ZNF317: variants seen among roughly 807,000 people sequenced by gnomAD.
ZNF317 encodes the protein zinc finger protein 317.
ZNF317 carries 17 observed loss-of-function variants against 23.4 expected under a neutral mutation model. That is an observed-to-expected ratio of 0.73 (90% CI 0.50 to 1.09). ZNF317 has a LOEUF of 1.09. Ranked by LOEUF, ZNF317 falls within the 50% of genes least tolerant of loss-of-function variation. The probability of loss-of-function intolerance (pLI) is 0.00; values close to 1 mark genes in which losing one functional copy is unlikely to be tolerated. For missense variants in ZNF317, 679 were observed against 796.7 expected (o/e 0.85, Z 1.78); for synonymous variants, 317 against 314.9 (o/e 1.01, Z -0.07).
chr19:9,142,515 T>A (rs2050641809), intron 1 of ZNF317, among the ~76,000 whole-genome samples: 2 of 151,512 alleles, frequency 1.3e-5, no homozygotes, highest in South Asian at 2.1e-4. Context: ...GAGTTTTTCT[T>A]GTGAATTGCT....
chr19:9,152,888 A>T (rs1177561802), intron 1 of ZNF317, among the ~76,000 whole-genome samples: 1 of 152,006 alleles, frequency 6.6e-6, no homozygotes, highest in East Asian at 1.9e-4. Flanking sequence ...GTTGGTGCAT[A>T]ATTGTTCATG....
chr19:9,144,155 A>G (rs1262640846), intron 1 of ZNF317, among the ~76,000 whole-genome samples: 3 of 151,914 alleles, frequency 2.0e-5, no homozygotes, highest in African/African-American at 7.3e-5. Context: ...GGCGCATGGC[A>G]CCACACCCAG....
In ZNF317 at chr19:9,160,820, G is replaced by A. The variant is rs1308068102; in HGVS notation, c.1175G>A (p.Cys392Tyr). The A allele has an allele frequency of 6.2e-7, 1 of 1,614,204 alleles. No individual in the cohort carries two copies. The highest frequency in any genetic ancestry group is 2.2e-5 in the East Asian group (1 of 44,878). ...KNHMVEKTYE[C>Y]KECGKSFGDL... Reference sequence around the variant, plus strand: ...CACATGGTGGAGAAGACCTACGAATGTAAAGAATGCGGGAAATCCTTTGGC... The same window carrying A: ...CACATGGTGGAGAAGACCTACGAATATAAAGAATGCGGGAAATCCTTTGGC... Residue 392 changes from cysteine (C) to tyrosine (Y), a missense_variant, in exon 7 of 7, where the codon TGT becomes TAT. Cys to Tyr is a radical substitution (Grantham distance 194, BLOSUM62 -2). Coordinates refer to ENST00000247956, the MANE Select transcript of ZNF317 (RefSeq NM_020933.5). The surrounding 1 kb of genome is among the most constrained non-coding windows in gnomAD (Gnocchi z 6.8).
intron 1 of ZNF317, among the ~76,000 whole-genome samples, chr19:9,143,739 T>TC (rs34153792): frequency 0.24 from 33,957 of 144,114 alleles, 4,438 homozygotes; most frequent in African/African-American, 0.37. Context: ...TAGAATTCTG[T>TC]CCCCCCTTTT....
At chr19:9,158,717 A>G in intron 5 of ZNF317, 109 bp from the exon 6 acceptor site, 3 of 734,850 alleles carry the variant, frequency 4.1e-6, no homozygotes, top group Non-Finnish European at 7.1e-6. Context: ...CTTTTGCACC[A>G]CTTTTCCTTA....
chr19:9,142,708 TATA>T (rs1451147615), intron 1 of ZNF317, among the ~76,000 whole-genome samples: 1 of 152,156 alleles, frequency 6.6e-6, no homozygotes, highest in Non-Finnish European at 1.5e-5. Flanking sequence ...GAGTGAATAA[TATA>T]ATTTTTTTTC....
Position 9,155,996 on chromosome 19 carries a change from A to G in ZNF317, c.-21A>G. ...TTGTCCTGGTGCCCTGCTCAGGCAA[A>G]CTGACTGCCATTCTCTGAGGATGGC... On this transcript the variant is annotated 5_prime_UTR_variant, in exon 2 of 7. Transcript: ENST00000247956. 1 of 1,614,156 alleles carries G rather than the reference A, an allele frequency of 6.2e-7. No homozygotes were observed. Among genetic ancestry groups the G allele is most frequent in the Non-Finnish European group, 8.5e-7 (1 of 1,180,022 alleles).
chr19:9,160,318 C>T lies in ZNF317; in HGVS notation c.673C>T (p.His225Tyr), dbSNP rs2050834796. ...CGACGGGAGAAAAATGCATGAATGT[C>T]ATCAGTGCCAAAAAGCCTTCACCAC... ...MYDGRKMHEC[H>Y]QCQKAFTTSA... Residue 225 changes from histidine to tyrosine, a missense_variant, in exon 7 of 7, where the codon CAT becomes TAT. His to Tyr is a moderately conservative substitution (Grantham distance 83, BLOSUM62 2). Coordinates refer to ENST00000247956, the MANE Select transcript of ZNF317 (RefSeq NM_020933.5). The surrounding 1 kb of genome is among the most constrained non-coding windows in gnomAD (Gnocchi z 6.8). 1 of 1,614,066 alleles carries T rather than the reference C, an allele frequency of 6.2e-7. No individual in the cohort carries two copies. The highest frequency in any genetic ancestry group is 1.3e-5 in the African/African-American group (1 of 74,916).
Position 9,160,204 on chromosome 19 carries a change from A to T in ZNF317, c.559A>T (p.Arg187Trp). The change falls in exon 7 of 7, where the codon AGG becomes TGG. Residue 187 changes from arginine to tryptophan, a missense_variant. Arg to Trp is a moderately radical substitution (Grantham distance 101, BLOSUM62 -3). Coordinates refer to ENST00000247956, the MANE Select transcript of ZNF317 (RefSeq NM_020933.5). This position sits in a 1 kb window ranked among gnomAD's most constrained non-coding sequence, Gnocchi z 6.8. ...CCCTCATCTCACTCAGCCAATGGGA[A>T]GGCACGCTGGCAAGAGGCCCTATCA... ...MDPHLTQPMG[R>W]HAGKRPYHRR... The T allele has an allele frequency of 6.2e-7, 1 of 1,614,170 alleles. No homozygotes were observed. Among genetic ancestry groups the T allele is most frequent in the Non-Finnish European group, 8.5e-7 (1 of 1,180,018 alleles).
In ZNF317 at chr19:9,158,201, C is replaced by T. The variant is rs542662443; in HGVS notation, c.385+126C>T. ...GAGATGCTCCTTCCCTCTTTTTGCC[C>T]ATCCATTCTCTGACAAATCTTTTGG... On this transcript the variant is annotated intron_variant, in intron 5 of 6. Coordinates refer to ENST00000247956, the MANE Select transcript of ZNF317 (RefSeq NM_020933.5). The T allele has an allele frequency of 2.9e-4, 363 of 1,248,050 alleles. 1 individual carries two copies. The highest frequency in any genetic ancestry group is 2.5e-3 in the South Asian group (148 of 58,052). 77.3% of individuals were successfully genotyped at this position (1,248,050 alleles called of 1,614,324 possible).
Position 9,151,104 on chromosome 19 carries a change from G to A in ZNF317, c.-92-4821G>A, listed in dbSNP as rs150439575. ...GGACCTGCAGAAGCTTGTTAGTTGAGCATGAATGAATGAATGGTAGGTGAG... is the reference window on the plus strand; with the variant it reads ...GGACCTGCAGAAGCTTGTTAGTTGAACATGAATGAATGAATGGTAGGTGAG... On this transcript the variant is annotated intron_variant, in intron 1 of 6. Transcript: ENST00000247956. 1.4e-4 allele frequency among the ~76,000 whole-genome samples: 22 copies of A among 152,298 alleles called. No individual in the cohort carries two copies. In the East Asian group the frequency reaches 4.2e-3, roughly 29 times the overall value.
chr19:9,156,120 A>G (rs1355011475), intron 2 of ZNF317, 79 bp downstream of exon 2: 2 of 1,556,628 alleles, frequency 1.3e-6, no homozygotes, highest in Non-Finnish European at 1.8e-6. Context: ...AAAGATACGT[A>G]CACCATAGAG....
At chr19:9,151,032 C>T (rs927968063) in intron 1 of ZNF317, among the ~76,000 whole-genome samples, 5 of 152,062 alleles carry the variant, frequency 3.3e-5, no homozygotes, top group Admixed American at 3.3e-4. Context: ...CTACACATGT[C>T]GTTATTTGTA....
At chr19:9,146,901 A>G (rs1473798495) in intron 1 of ZNF317, among the ~76,000 whole-genome samples, 1 of 152,232 alleles carries the variant, frequency 6.6e-6, no homozygotes, top group Non-Finnish European at 1.5e-5. Flanking sequence ...TATTGGGAGA[A>G]TTATGGTCCT....
At chr19:9,156,098 C>T (rs544330830) in intron 2 of ZNF317, 57 bp downstream of exon 2, 24 of 1,603,728 alleles carry the variant, frequency 1.5e-5, no homozygotes, top group Non-Finnish European at 1.8e-5. Flanking sequence ...GCCCCTGCCA[C>T]TTGATGGGGT....
At chr19:9,154,414 CT>C (rs137949244) in intron 1 of ZNF317, among the ~76,000 whole-genome samples, 20 of 148,774 alleles carry the variant, frequency 1.3e-4, no homozygotes, top group African/African-American at 3.7e-4. Flanking sequence ...AAGAAACCCC[CT>C]TTTTTTTTTC....
chr19:9,151,529 C>T (rs1006510155), intron 1 of ZNF317, among the ~76,000 whole-genome samples: 49 of 151,810 alleles, frequency 3.2e-4, no homozygotes, highest in African/African-American at 1.1e-3. Flanking sequence ...ATGAGAGTCG[C>T]GGTGGAAGCC....
chr19:9,146,677 G>A (rs1438244242), intron 1 of ZNF317, among the ~76,000 whole-genome samples: 6 of 151,868 alleles, frequency 4.0e-5, no homozygotes, highest in Admixed American at 1.3e-4. Flanking sequence ...TGATCTGCCC[G>A]CCTCAGCCTC....
chr19:9,148,929 T>C (rs141939723), intron 1 of ZNF317, among the ~76,000 whole-genome samples: 48 of 152,280 alleles, frequency 3.2e-4, no homozygotes, highest in African/African-American at 7.5e-4. Context: ...ACAGAATGCA[T>C]AGTTGTCCAG....
Sources: gnomAD v4.1 joint callset for allele counts (sites outside exome capture counted in the v4.1 genomes callset) on GRCh38, gnomAD v4.1.1 for gene constraint, Gnocchi (gnomAD v3.1) non-coding constraint, MANE v1.5 for transcripts, NCBI Gene and HGNC (gene_info 2026-07-23, HGNC 2026-07-21) for gene names.